CCPG1: variants seen among roughly 807,000 people sequenced by gnomAD.
The protein encoded by CCPG1 is cell cycle progression 1, also known as cell cycle progression protein 1.
In CCPG1, 46 loss-of-function variants were observed where a neutral mutation model predicts 81.3. That is an observed-to-expected ratio of 0.57 (90% CI 0.45 to 0.72). The LOEUF is 0.72. Ranked by LOEUF, CCPG1 falls within the 30% of genes least tolerant of loss-of-function variation. CCPG1 has a pLI of 0.00. For missense variants in CCPG1, 902 were observed against 937.6 expected (o/e 0.96, Z 0.50); for synonymous variants, 330 against 305.2 (o/e 1.08, Z -0.85).
At chr15:55,401,438 G>A (rs996684704) in intron 1 of CCPG1, among the ~76,000 whole-genome samples, 1 of 152,134 alleles carries the variant, frequency 6.6e-6, no homozygotes, top group African/African-American at 2.4e-5. Flanking sequence ...AGGCCGAGGC[G>A]GGTGAATCAC....
intron 7 of CCPG1, among the ~76,000 whole-genome samples, chr15:55,361,228 C>T (rs567679760): frequency 2.0e-5 from 3 of 150,738 alleles, no homozygotes; most frequent in Non-Finnish European, 3.0e-5. Flanking sequence ...AGTGCAGTGG[C>T]GCAATCTCGG....
At chr15:55,363,001 C>T (rs920829621) in intron 7 of CCPG1, among the ~76,000 whole-genome samples, 3 of 152,104 alleles carry the variant, frequency 2.0e-5, no homozygotes, top group Admixed American at 2.0e-4. Context: ...GATCACACCA[C>T]TGCACTCCAG....
Position 55,359,923 on chromosome 15 carries a change from T to G in CCPG1, c.1850A>C (p.Asp617Ala). The G allele has an allele frequency of 1.2e-6, 2 of 1,613,758 alleles. No individual in the cohort carries two copies. The highest frequency in any genetic ancestry group is 1.3e-5 in the African/African-American group (1 of 75,046). Residue 617 changes from aspartate (D) to alanine (A), a missense_variant, in exon 8 of 9, where the codon GAT (aspartate) becomes GCT (alanine). Coordinates refer to ENST00000442196, the MANE Select transcript of CCPG1 (RefSeq NM_001204450.2). Reference protein sequence around the residue: ...TNSKKCSPGHDCRENSHSFRK... With the variant: ...TNSKKCSPGHACRENSHSFRK... ...GAAAGAATGAGAATTTTCTCTACAATCATGCCCAGGACTGCATTTCTTTGA... is the reference window on the plus strand; with the variant it reads ...GAAAGAATGAGAATTTTCTCTACAAGCATGCCCAGGACTGCATTTCTTTGA...
intron 7 of CCPG1, among the ~76,000 whole-genome samples, 173 bp from the exon 8 acceptor site, chr15:55,361,117 A>G (rs894979306): frequency 6.8e-6 from 1 of 147,710 alleles, no homozygotes; most frequent in Non-Finnish European, 1.5e-5. Flanking sequence ...TTCATATGCA[A>G]GAAAACGCAG....
At chr15:55,399,894 G>C (rs2141343603) in intron 1 of CCPG1, 1 of 152,178 alleles carries the variant, frequency 6.6e-6, no homozygotes. Flanking sequence ...ACGAGTTTGA[G>C]ACCAGCCTGG....
At chr15:55,366,890 A>C (rs1488471030) in intron 6 of CCPG1, among the ~76,000 whole-genome samples, 1 of 152,206 alleles carries the variant, frequency 6.6e-6, no homozygotes, top group Non-Finnish European at 1.5e-5. Flanking sequence ...AAACCACGAA[A>C]TCAAAAATAA....
rs573149371 is a variant in CCPG1 at position 55,397,071 on chromosome 15, G to A, written c.-9-7638C>T. 2.9e-4 allele frequency among the ~76,000 whole-genome samples: 44 copies of A among 152,244 alleles called. 1 individual carries two copies. The highest frequency in any genetic ancestry group is 1.1e-3 in the African/African-American group (44 of 41,546). On this transcript the variant is annotated intron_variant, in intron 1 of 8. Transcript: ENST00000442196. ...CAAAAAATTAGCCGGGCGATTAGCC[G>A]GGCGTGGTAGCGGGCGCCTGTAGTT...
chr15:55,379,087 G>A lies in CCPG1; in HGVS notation c.176-711C>T, dbSNP rs546448991. On this transcript the variant is annotated intron_variant, in intron 3 of 8. Transcript: ENST00000442196. ...GTTTCTAAAGACCATTCTAATGGCT[G>A]TCAATGCCTGGTACCGTAAGAATAA... 2.9e-4 allele frequency among the ~76,000 whole-genome samples: 40 copies of A among 135,998 alleles called. 1 individual carries two copies. The highest frequency in any genetic ancestry group is 1.1e-3 in the African/African-American group (36 of 31,904). 89.2% of individuals were successfully genotyped at this position (135,998 alleles called of 152,430 possible).
intron 6 of CCPG1, among the ~76,000 whole-genome samples, chr15:55,368,607 G>A (rs1040182572): frequency 2.6e-5 from 4 of 152,180 alleles, no homozygotes; most frequent in Middle Eastern, 3.2e-3. Flanking sequence ...ACAAGCAAAT[G>A]TAAGAATAAG....
At chr15:55,361,481 G>C (rs1022277751) in intron 7 of CCPG1, among the ~76,000 whole-genome samples, 2 of 151,702 alleles carry the variant, frequency 1.3e-5, no homozygotes, top group Non-Finnish European at 2.9e-5. Flanking sequence ...GCTGAGGTGG[G>C]TGGATCACGA....
At chr15:55,391,831 T>C (rs1276642292) in intron 1 of CCPG1, among the ~76,000 whole-genome samples, 12 of 135,516 alleles carry the variant, frequency 8.9e-5, no homozygotes, top group African/African-American at 3.0e-4. Context: ...TGAACTGCCA[T>C]TGCACTCCAG....
chr15:55,404,755 C>T (rs1248629976), intron 1 of CCPG1, among the ~76,000 whole-genome samples: 1 of 152,028 alleles, frequency 6.6e-6, no homozygotes, highest in East Asian at 1.9e-4. Context: ...GGAAACATAG[C>T]GAGACCCTGC....
chr15:55,367,779 T>C (rs954561093), intron 6 of CCPG1, among the ~76,000 whole-genome samples: 3 of 152,136 alleles, frequency 2.0e-5, no homozygotes, highest in Admixed American at 6.5e-5. Flanking sequence ...GCTAGCACAT[T>C]TTCTACAATT....
Position 55,356,134 on chromosome 15 carries a change from T to C in CCPG1, c.*86A>G. On this transcript the variant is annotated 3_prime_UTR_variant, in exon 9 of 9. Transcript: ENST00000442196. The stretch of plus-strand genomic sequence containing the variant: ...AAACAAAAGAAAAGACATTGTCATC[T>C]TGGTAATTTCATTAGTTTCAATACC... 1.0e-6 allele frequency: 1 copy of C among 955,368 alleles called. No individual in the cohort carries two copies. The highest frequency in any genetic ancestry group is 1.5e-6 in the Non-Finnish European group (1 of 655,038). 59.2% of individuals were successfully genotyped at this position (955,368 alleles called of 1,614,324 possible).
intron 3 of CCPG1, among the ~76,000 whole-genome samples, chr15:55,379,464 C>A (rs2056635219): frequency 6.6e-6 from 1 of 151,928 alleles, no homozygotes; most frequent in South Asian, 2.1e-4. Context: ...GGAGTTGAGG[C>A]TGCAGTGAGC....
At chr15:55,397,823 A>C (rs909995158) in intron 1 of CCPG1, among the ~76,000 whole-genome samples, 1 of 152,092 alleles carries the variant, frequency 6.6e-6, no homozygotes, top group African/African-American at 2.4e-5. Context: ...TTAAAAATAC[A>C]AAAATTGGCC....
At chr15:55,373,132 C>A (rs1039721726) in intron 5 of CCPG1, 27 of 433,122 alleles carry the variant, frequency 6.2e-5, no homozygotes, top group African/African-American at 4.4e-4. Context: ...AATCCCAAGT[C>A]CAGGAAACAA....
intron 1 of CCPG1, among the ~76,000 whole-genome samples, chr15:55,396,203 T>A (rs984115624): frequency 6.6e-6 from 1 of 151,476 alleles, no homozygotes; most frequent in African/African-American, 2.4e-5. Flanking sequence ...ATCCATGAGC[T>A]TCCTCTCCCA....
intron 1 of CCPG1, among the ~76,000 whole-genome samples, chr15:55,403,845 GT>G (rs1566986545): frequency 1.3e-5 from 2 of 152,092 alleles, no homozygotes; most frequent in African/African-American, 4.8e-5. Context: ...TGCATTTTTT[GT>G]TTAAAGTACC....
Sources: gnomAD v4.1 joint callset for allele counts (sites outside exome capture counted in the v4.1 genomes callset) on GRCh38, gnomAD v4.1.1 for gene constraint, MANE v1.5 for transcripts, NCBI Gene and HGNC (gene_info 2026-07-23, HGNC 2026-07-21) for gene names.